Variants in CR1L observed in about 807,000 individuals in gnomAD.
CR1L encodes the protein complement C3b/C4b receptor 1 like, also known as complement component receptor 1-like protein.
A neutral mutation model predicts 62.3 loss-of-function variants in CR1L; 59 were observed. The ratio of observed to expected loss-of-function variants is 0.95; its 90% CI spans 0.77 to 1.18. CR1L has a LOEUF of 1.18. CR1L is among the 50% of genes most tolerant of loss of function. The pLI is 0.00. For synonymous variants in CR1L, 279 were observed against 248.7 expected, an observed-to-expected ratio of 1.12 and a Z score of -1.15; for missense variants, 700 against 702.8, an observed-to-expected ratio of 1.00 and a Z score of 0.04.
chr1:207,717,026 A>G (rs1366750079), intron 10 of CR1L, among the ~76,000 whole-genome samples: 1 of 152,242 alleles, frequency 6.6e-6, no homozygotes, highest in African/African-American at 2.4e-5. Flanking sequence ...AAACATTTAC[A>G]TTGCTAAAGA....
At chr1:207,710,580 T>C (rs1013402394) in intron 10 of CR1L, 43 of 1,609,994 alleles carry the variant, frequency 2.7e-5, no homozygotes, top group Admixed American at 2.3e-4. Flanking sequence ...AGCGGCCCAG[T>C]CCCTCAGTGC....
intron 1 of CR1L, among the ~76,000 whole-genome samples, chr1:207,659,293 C>T (rs1386402172): frequency 6.6e-6 from 1 of 152,252 alleles, no homozygotes; most frequent in African/African-American, 2.4e-5. Context: ...TCCTTCCCCT[C>T]TGCAGAGGGC....
intron 4 of CR1L, among the ~76,000 whole-genome samples, chr1:207,691,712 T>G (rs973543735): frequency 2.0e-5 from 3 of 152,226 alleles, no homozygotes; most frequent in Non-Finnish European, 4.4e-5. Context: ...TTTACTATAG[T>G]CTACTAAAAT....
intron 9 of CR1L, among the ~76,000 whole-genome samples, chr1:207,702,697 CAT>C (rs1664212167): frequency 6.6e-6 from 1 of 152,204 alleles, no homozygotes; most frequent in Non-Finnish European, 1.5e-5. Flanking sequence ...TCAAACTAGA[CAT>C]ATTTCCTTAA....
At chr1:207,650,847 G>A (rs542609781) in intron 1 of CR1L, among the ~76,000 whole-genome samples, 1 of 151,410 alleles carries the variant, frequency 6.6e-6, no homozygotes, top group East Asian at 1.9e-4. Flanking sequence ...GTGCAGTGGT[G>A]CAATCTCAGC....
chr1:207,657,337 T>C (rs954391909), intron 1 of CR1L: 1 of 935,142 alleles, frequency 1.1e-6, no homozygotes, highest in African/African-American at 1.6e-5. Flanking sequence ...TTTCAATTTA[T>C]TTCCTTCTTC....
At chr1:207,703,273 G>A (rs1359803313) in intron 9 of CR1L, among the ~76,000 whole-genome samples, 2 of 152,190 alleles carry the variant, frequency 1.3e-5, no homozygotes, top group African/African-American at 4.8e-5. Context: ...TGGGTTCAAA[G>A]CTTCAAAGGA....
intron 1 of CR1L, chr1:207,669,508 T>C (rs939386960): frequency 3.8e-6 from 6 of 1,582,550 alleles, no homozygotes; most frequent in African/African-American, 2.8e-5. Context: ...TCTCCCCTTC[T>C]GCTGCGGAGG....
At chr1:207,699,084 G>C in intron 7 of CR1L, 105 bp from the exon 8 acceptor site, 1 of 1,420,460 alleles carries the variant, frequency 7.0e-7, no homozygotes, top group Non-Finnish European at 9.9e-7. Flanking sequence ...CCACCTGCTG[G>C]CCTCAGGTCC....
At chr1:207,647,087 C>G (rs1185494127) in intron 1 of CR1L, among the ~76,000 whole-genome samples, 1 of 152,036 alleles carries the variant, frequency 6.6e-6, no homozygotes, top group Non-Finnish European at 1.5e-5. Flanking sequence ...TGCTTAATGC[C>G]GGGAACACAG....
chr1:207,687,602 G>C (rs1385998114), intron 4 of CR1L, among the ~76,000 whole-genome samples: 1 of 152,080 alleles, frequency 6.6e-6, no homozygotes. Flanking sequence ...CAAAAAATAG[G>C]TACTCTTCTG....
intron 9 of CR1L, among the ~76,000 whole-genome samples, chr1:207,706,236 A>C (rs533032357): frequency 6.6e-6 from 1 of 151,716 alleles, no homozygotes; most frequent in Non-Finnish European, 1.5e-5. Flanking sequence ...CCTGGGCAAT[A>C]AGGCAAAACC....
chr1:207,656,043 C>A (rs1025558998), intron 1 of CR1L, among the ~76,000 whole-genome samples: 1 of 152,140 alleles, frequency 6.6e-6, no homozygotes, highest in African/African-American at 2.4e-5. Context: ...TCCAGACCAT[C>A]CTGTCTAATA....
chr1:207,667,617 A>G (rs1571648769), intron 1 of CR1L, among the ~76,000 whole-genome samples: 1 of 151,646 alleles, frequency 6.6e-6, no homozygotes, highest in South Asian at 2.1e-4. Flanking sequence ...CCTACCACGC[A>G]CTCCTCCTTT....
At chr1:207,669,592 C>A in intron 1 of CR1L, 2 of 1,386,738 alleles carry the variant, frequency 1.4e-6, no homozygotes, top group Non-Finnish European at 2.0e-6. Flanking sequence ...CGTGGGGAGG[C>A]GCCCGGGCTG....
chr1:207,694,263 AAAT>A, intron 4 of CR1L, 87 bp from the exon 5 acceptor site: 3 of 1,502,202 alleles, frequency 2.0e-6, no homozygotes, highest in Non-Finnish European at 2.7e-6. Context: ...GAATAAAAGC[AAAT>A]AATGAATGTA....
intron 10 of CR1L, chr1:207,710,375 T>G: frequency 6.9e-7 from 1 of 1,443,472 alleles, no homozygotes; most frequent in Non-Finnish European, 9.7e-7. Flanking sequence ...GCGGTCTCTT[T>G]TCCCAGGAAT....
intron 1 of CR1L, among the ~76,000 whole-genome samples, chr1:207,653,908 G>A (rs1283463761): frequency 6.6e-6 from 1 of 152,196 alleles, no homozygotes; most frequent in Admixed American, 6.5e-5. Flanking sequence ...CCTGGCAAGG[G>A]CTTTCATGCT....
At chr1:207,667,071 C>A (rs1663535072) in intron 1 of CR1L, among the ~76,000 whole-genome samples, 1 of 152,192 alleles carries the variant, frequency 6.6e-6, no homozygotes, top group African/African-American at 2.4e-5. Flanking sequence ...CCTAAACATT[C>A]TCACACCTCC....
Sources: gnomAD v4.1 joint callset for allele counts (sites outside exome capture counted in the v4.1 genomes callset) on GRCh38, gnomAD v4.1.1 for gene constraint, MANE v1.5 for transcripts, NCBI Gene and HGNC (gene_info 2026-07-23, HGNC 2026-07-21) for gene names.